Variants in RTEL1 observed in about 807,000 individuals in gnomAD.
RTEL1 encodes the protein regulator of telomere length.
A neutral mutation model predicts 162.2 loss-of-function variants in RTEL1; 86 were observed. The observed-to-expected ratio is 0.53, with a 90% CI of 0.45 to 0.63. RTEL1 has a LOEUF of 0.63. Among genes scored for constraint, RTEL1 ranks in the 30% least tolerant of loss-of-function variants. RTEL1 has a pLI of 0.00. For synonymous variants in RTEL1, 958 were observed against 717.9 expected, an observed-to-expected ratio of 1.33 and a Z score of -5.35; for missense variants, 1,941 against 1,750.2, an observed-to-expected ratio of 1.11 and a Z score of -1.95.
Position 63,687,778 on chromosome 20 carries a change from C to T in RTEL1, c.1481+8C>T, listed in dbSNP as rs758734115. The T allele has an allele frequency of 2.6e-6, 4 of 1,563,566 alleles. No individual in the cohort carries two copies. The highest frequency in any genetic ancestry group is 2.2e-4 in the Middle Eastern group (1 of 4,532). On this transcript the variant is annotated splice_region_variant and intron_variant, in intron 17 of 34. Coordinates refer to ENST00000360203, the MANE Select transcript of RTEL1 (RefSeq NM_001283009.2). ...TGCTCTGGAGATGCAGATGTACGGG[C>T]CACCCCTGCCAGGGCCTGAGCACCG...
chr20:63,691,345 C>CG (rs2090737470), intron 27 of RTEL1, among the ~76,000 whole-genome samples: 1 of 152,012 alleles, frequency 6.6e-6, no homozygotes, highest in Non-Finnish European at 1.5e-5. Flanking sequence ...CCCAGAAGCC[C>CG]ATAATTCCTC....
intron 14 of RTEL1, chr20:63,682,633 C>G (rs1403472155): frequency 1.0e-6 from 1 of 985,698 alleles, no homozygotes; most frequent in Non-Finnish European, 1.2e-6. Context: ...CAGTGCTCAC[C>G]CGCGTTGGCT....
rs781231332 is a variant in RTEL1 at position 63,690,100 on chromosome 20, G to A, written c.2155G>A (p.Asp719Asn). 5.1e-5 allele frequency: 82 copies of A among 1,611,446 alleles called. No individual in the cohort carries two copies. Among genetic ancestry groups the A allele is most frequent in the Admixed American group, 2.5e-4 (15 of 59,978 alleles). Reference protein sequence around the residue: ...FLCDHRFAFADARAQLPSWVR... With the variant: ...FLCDHRFAFANARAQLPSWVR... ...GCCACCCCCCAGGTTCGCCTTTGCC[G>A]ACGCAAGAGCCCAACTGCCCTCCTG... The change falls in exon 25 of 35, where the codon GAC (aspartate) becomes AAC (asparagine). Residue 719 changes from aspartate to asparagine, a missense_variant. Asp to Asn is a conservative substitution (Grantham distance 23). Transcript: ENST00000360203.
At position 63,689,116 on chromosome 20, in the gene RTEL1, C is replaced by T. The variant is rs535749230; in HGVS notation, c.1862C>T (p.Ala621Val). The T allele has an allele frequency of 1.9e-6, 3 of 1,609,680 alleles. No individual in the cohort carries two copies. The highest frequency in any genetic ancestry group is 1.3e-5 in the African/African-American group (1 of 75,048). The stretch of plus-strand genomic sequence containing the variant: ...GGGTCCACCGGCGCCACCTTCCTGG[C>T]GGTCTGCCGGGGCAAGGTGAGCTCT... ...APGSTGATFLAVCRGKASEGL... is the reference protein window; with the variant it reads ...APGSTGATFLVVCRGKASEGL... Residue 621 changes from alanine to valine, a missense_variant, in exon 22 of 35, where the codon GCG (alanine) becomes GTG (valine). Transcript: ENST00000360203.
rs531799999 is a variant in RTEL1, at chr20:63,680,782, G to A, written c.1191+63G>A. On this transcript the variant is annotated intron_variant, in intron 14 of 34. Transcript: ENST00000360203. ...GGAAGCCGGGCGGGTGCCTTCTCCT[G>A]CTGTATTAGTTAACTGATTCTAGAC... 89 of 1,600,902 alleles carry A rather than the reference G, an allele frequency of 5.6e-5. No individual in the cohort carries two copies. In the South Asian group the frequency reaches 9.6e-4, roughly 17 times the overall value.
chr20:63,691,621 C>T, intron 27 of RTEL1, 121 bp from the exon 28 acceptor site: 2 of 811,978 alleles, frequency 2.5e-6, no homozygotes, highest in South Asian at 3.2e-5. Flanking sequence ...TGCCCCCCTC[C>T]CCCGACCTCC....
intron 10 of RTEL1, among the ~76,000 whole-genome samples, chr20:63,674,910 C>CTTT (rs935691389): frequency 7.0e-6 from 1 of 142,538 alleles, no homozygotes; most frequent in Admixed American, 7.0e-5. Context: ...TATTTTCTTT[C>CTTT]TTTTTTTTTT....
chr20:63,691,059 C>T (rs2090728824), intron 27 of RTEL1, 112 bp downstream of exon 27: 3 of 1,209,448 alleles, frequency 2.5e-6, no homozygotes, highest in Non-Finnish European at 3.3e-6. Context: ...AATCCCCTGC[C>T]TGGCAGGCAG....
chr20:63,694,491 A>T lies in RTEL1; in HGVS notation c.3109+3A>T. 1 of 1,590,200 alleles carries T rather than the reference A, an allele frequency of 6.3e-7. No homozygotes were observed. Among genetic ancestry groups the T allele is most frequent in the Non-Finnish European group, 8.6e-7 (1 of 1,161,494 alleles). Reference sequence around the variant, plus strand: ...GTCGCCCAGGCCACCCCCAACAGGTAGCTGACTCCTGAACCGTGTGCAGCC... The same window carrying T: ...GTCGCCCAGGCCACCCCCAACAGGTTGCTGACTCCTGAACCGTGTGCAGCC... On this transcript the variant is annotated splice_donor_region_variant and intron_variant, in intron 31 of 34. Coordinates refer to ENST00000360203, the MANE Select transcript of RTEL1 (RefSeq NM_001283009.2).
chr20:63,695,218 C>G lies in RTEL1; in HGVS notation c.3496C>G (p.Pro1166Ala). The G allele has an allele frequency of 6.2e-7, 1 of 1,611,458 alleles. No individual in the cohort carries two copies. Residue 1166 changes from proline to alanine, a missense_variant, in exon 33 of 35, where the codon CCA (proline) becomes GCA (alanine). Physicochemically the swap from Pro to Ala is conservative, Grantham distance 27. Coordinates refer to ENST00000360203, the MANE Select transcript of RTEL1 (RefSeq NM_001283009.2). ...TGTGCTTACCCACAGGGCTCCCCAACCAGGTAGGGCACCTGCCTGGCTGCT... is the reference window on the plus strand; with the variant it reads ...TGTGCTTACCCACAGGGCTCCCCAAGCAGGTAGGGCACCTGCCTGGCTGCT... ...PPVLTHRAPQ[P>A]GPSRSEKTGK...
chr20:63,694,308 C>G, intron 30 of RTEL1, 64 bp from the exon 31 acceptor site: 1 of 1,014,604 alleles, frequency 9.9e-7, no homozygotes, highest in Non-Finnish European at 1.5e-6. Flanking sequence ...AGCCCTGCCC[C>G]CCCACCCCAG....
At chr20:63,695,266 G>C in intron 33 of RTEL1, 45 bp downstream of exon 33, 1 of 1,605,364 alleles carries the variant, frequency 6.2e-7, no homozygotes, top group Non-Finnish European at 8.5e-7. Context: ...CCAACCGCAC[G>C]CAGCCCTGGG....
chr20:63,680,832 C>T (rs1569097742), intron 14 of RTEL1, 113 bp downstream of exon 14: 1 of 1,541,126 alleles, frequency 6.5e-7, no homozygotes, highest in Non-Finnish European at 8.9e-7. Context: ...AAGGCCCCTA[C>T]ACCACCTGTT....
In RTEL1 at chr20:63,695,434, C is replaced by A. The variant is rs1187146202; in HGVS notation, c.3606C>A (p.Pro1202=). 6.4e-7 allele frequency: 1 copy of A among 1,572,432 alleles called. No homozygotes were observed. The highest frequency in any genetic ancestry group is 1.2e-5 in the South Asian group (1 of 83,968). ...TVGAGGEDAG[P]SQSSGPPHGP... Reference sequence around the variant, plus strand: ...GGGCGGGCGGTGAGGATGCAGGTCCCAGCCAGTCCTCAGGACCTCCCCACG... The same window carrying A: ...GGGCGGGCGGTGAGGATGCAGGTCCAAGCCAGTCCTCAGGACCTCCCCACG... Residue 1202 remains proline (P), a synonymous_variant, in exon 34 of 35, where the codon CCC becomes CCA. Transcript: ENST00000360203.
At chr20:63,672,092 C>T (rs2090254675) in intron 8 of RTEL1, among the ~76,000 whole-genome samples, 1 of 148,570 alleles carries the variant, frequency 6.7e-6, no homozygotes, top group African/African-American at 2.5e-5. Context: ...CCATGTTGGC[C>T]AGGCTGGTCT....
In RTEL1 at chr20:63,688,037, G is replaced by A. The variant is rs149952845; in HGVS notation, c.1582G>A (p.Ala528Thr). 18 of 1,612,578 alleles carry A rather than the reference G, an allele frequency of 1.1e-5. No individual in the cohort carries two copies. The highest frequency in any genetic ancestry group is 3.3e-5 in the Admixed American group (2 of 59,994). ...RGPDGAQLSS[A>T]FDRRFSEECL... ...CCCCGATGGAGCCCAGTTGAGCTCC[G>A]CGTTTGACAGACGGTGAGGGCCTGT... The change falls in exon 18 of 35, where the codon GCG becomes ACG. Residue 528 changes from alanine to threonine, a missense_variant. By Grantham distance (58) the Ala-to-Thr change is moderately conservative (BLOSUM62 0). Coordinates refer to ENST00000360203, the MANE Select transcript of RTEL1 (RefSeq NM_001283009.2).
At position 63,661,954 on chromosome 20, in the gene RTEL1, C is replaced by T. The variant is rs544680653; in HGVS notation, c.395+11C>T. On this transcript the variant is annotated intron_variant, in intron 4 of 34. Transcript: ENST00000360203. This position sits in a 1 kb window ranked among gnomAD's most constrained non-coding sequence, Gnocchi z 5.1. The stretch of plus-strand genomic sequence containing the variant: ...GAACACCTCCTACCGGTGGGTCAGA[C>T]GAGTTTACACCTGTCTCGGGGTCCT... The T allele has an allele frequency of 7.5e-6, 12 of 1,605,146 alleles. No individual in the cohort carries two copies. Among genetic ancestry groups the T allele is most frequent in the South Asian group, 5.5e-5 (5 of 90,934 alleles).
chr20:63,691,883 A>G, intron 28 of RTEL1, 46 bp downstream of exon 28: 1 of 1,525,374 alleles, frequency 6.6e-7, no homozygotes, highest in Non-Finnish European at 9.0e-7. Context: ...ATAGACACGC[A>G]TGGGAACGCA....
intron 29 of RTEL1, 23 bp downstream of exon 29, chr20:63,693,026 C>T (rs370439985): frequency 1.6e-5 from 26 of 1,611,710 alleles, no homozygotes; most frequent in South Asian, 2.2e-5. Flanking sequence ...GCAGAGGCCA[C>T]CCACCCTGAG....
Sources: gnomAD v4.1 joint callset for allele counts (sites outside exome capture counted in the v4.1 genomes callset) on GRCh38, gnomAD v4.1.1 for gene constraint, Gnocchi (gnomAD v3.1) non-coding constraint, MANE v1.5 for transcripts, NCBI Gene and HGNC (gene_info 2026-07-23, HGNC 2026-07-21) for gene names.